TAFA1: variants seen among roughly 807,000 people sequenced by gnomAD.
The protein encoded by TAFA1 is chemokine-like protein TAFA-1.
A neutral mutation model predicts 18.5 loss-of-function variants in TAFA1; 4 were observed. The observed-to-expected ratio is 0.22, with a 90% confidence interval of 0.11 to 0.49. The LOEUF is 0.49. Ranked by LOEUF, TAFA1 falls within the 20% of genes least tolerant of loss-of-function variation. The pLI is 0.98. For synonymous variants in TAFA1, 56 were observed against 55.2 expected, an observed-to-expected ratio of 1.01 and a Z score of -0.06; for missense variants, 147 against 169.0, an observed-to-expected ratio of 0.87 and a Z score of 0.72.
chr3:68,312,968 A>G (rs2068545048), intron 2 of TAFA1, among the ~76,000 whole-genome samples: 1 of 152,190 alleles, frequency 6.6e-6, no homozygotes, highest in Non-Finnish European at 1.5e-5. Context: ...AGCAAGTCAT[A>G]TCTTACATGG....
intron 3 of TAFA1, among the ~76,000 whole-genome samples, chr3:68,422,361 C>T (rs1256976056): frequency 2.0e-5 from 3 of 152,192 alleles, no homozygotes; most frequent in Admixed American, 6.6e-5. Context: ...AACTTCTCTG[C>T]GTGACAGCAG....
chr3:68,396,414 C>T (rs68178842), intron 2 of TAFA1, among the ~76,000 whole-genome samples: 18,613 of 152,020 alleles, frequency 0.12, 1,522 homozygotes, highest in East Asian at 0.23. Context: ...GCTACTGTCC[C>T]AACTTCTAGC....
chr3:68,041,907 C>T (rs2106679646), intron 2 of TAFA1, among the ~76,000 whole-genome samples: 1 of 152,280 alleles, frequency 6.6e-6, no homozygotes, highest in South Asian at 2.1e-4. Context: ...CATACCATGG[C>T]TTGAAAATCA....
rs115531141 is a variant in TAFA1, at chr3:68,190,305, G to C, written c.118+183561G>C. On this transcript the variant is annotated intron_variant, in intron 2 of 4. Transcript: ENST00000478136. ...GCAGTCTTTCTGATGCTGGGAGCCTGGCTATACTTCTGGATAAGTTTAAGA... is the reference window on the plus strand; with the variant it reads ...GCAGTCTTTCTGATGCTGGGAGCCTCGCTATACTTCTGGATAAGTTTAAGA... 7.2e-3 allele frequency among the ~76,000 whole-genome samples: 1,100 copies of C among 151,960 alleles called. 15 individuals carry two copies. Among genetic ancestry groups the C allele is most frequent in the African/African-American group, 0.025 (1,054 of 41,498 alleles).
chr3:68,469,354 G>A (rs1490327554), intron 3 of TAFA1, among the ~76,000 whole-genome samples: 1 of 152,110 alleles, frequency 6.6e-6, no homozygotes, highest in African/African-American at 2.4e-5. Flanking sequence ...TCACTTCCAA[G>A]ACTGGCTCTC....
intron 2 of TAFA1, among the ~76,000 whole-genome samples, chr3:68,312,009 G>A (rs1368939325): frequency 6.6e-6 from 1 of 152,208 alleles, no homozygotes; most frequent in African/African-American, 2.4e-5. Context: ...TGACTTCTGT[G>A]CCCTGACAGG....
intron 3 of TAFA1, among the ~76,000 whole-genome samples, chr3:68,486,608 A>G (rs2072345117): frequency 6.6e-6 from 1 of 152,232 alleles, no homozygotes; most frequent in African/African-American, 2.4e-5. Flanking sequence ...TCTTTCTAAC[A>G]GGGTAGTTGA....
chr3:68,428,732 C>G (rs1039377707), intron 3 of TAFA1, among the ~76,000 whole-genome samples: 1 of 151,936 alleles, frequency 6.6e-6, no homozygotes, highest in African/African-American at 2.4e-5. Flanking sequence ...ATTTATTGGA[C>G]TATCAATTTA....
At chr3:68,025,352 T>G (rs1394925449) in intron 2 of TAFA1, among the ~76,000 whole-genome samples, 1 of 152,176 alleles carries the variant, frequency 6.6e-6, no homozygotes, top group Non-Finnish European at 1.5e-5. Flanking sequence ...CACAACTTCC[T>G]CTACGTGGAT....
intron 3 of TAFA1, among the ~76,000 whole-genome samples, chr3:68,452,785 C>T (rs543944457): frequency 3.8e-4 from 58 of 152,264 alleles, no homozygotes; most frequent in African/African-American, 1.4e-3. Context: ...GCCCATTTAA[C>T]ATATTTAATG....
intron 2 of TAFA1, among the ~76,000 whole-genome samples, chr3:68,106,316 T>G (rs753066697): frequency 2.0e-5 from 3 of 152,110 alleles, no homozygotes; most frequent in Non-Finnish European, 4.4e-5. Flanking sequence ...TGAACAATGA[T>G]GGAAGTGATC....
intron 2 of TAFA1, among the ~76,000 whole-genome samples, chr3:68,250,487 T>C (rs6549090): frequency 0.37 from 56,784 of 151,934 alleles, 11,292 homozygotes; most frequent in East Asian, 0.56. Flanking sequence ...TAACCTCCAC[T>C]GCATATTTTG....
intron 2 of TAFA1, among the ~76,000 whole-genome samples, chr3:68,095,261 A>G (rs1046008101): frequency 6.6e-6 from 1 of 152,176 alleles, no homozygotes; most frequent in South Asian, 2.1e-4. Context: ...TTTGATCTTG[A>G]TATCAGTTGA....
At chr3:68,522,598 C>G (rs2073045326) in intron 3 of TAFA1, among the ~76,000 whole-genome samples, 1 of 152,212 alleles carries the variant, frequency 6.6e-6, no homozygotes, top group Non-Finnish European at 1.5e-5. Context: ...CCTATAATCC[C>G]AGCACTTTGG....
At chr3:68,511,973 TAA>T (rs2106731184) in intron 3 of TAFA1, among the ~76,000 whole-genome samples, 1 of 152,148 alleles carries the variant, frequency 6.6e-6, no homozygotes, top group East Asian at 1.9e-4. Context: ...CTTTCTGTAT[TAA>T]CTCATTTCAT....
At chr3:68,343,269 T>C (rs1164821524) in intron 2 of TAFA1, among the ~76,000 whole-genome samples, 1 of 152,178 alleles carries the variant, frequency 6.6e-6, no homozygotes, top group African/African-American at 2.4e-5. Context: ...ATAAATCTCC[T>C]GGTGAGATTA....
chr3:68,074,722 A>G (rs1042768072), intron 2 of TAFA1, among the ~76,000 whole-genome samples: 5 of 152,184 alleles, frequency 3.3e-5, no homozygotes, highest in Admixed American at 3.3e-4. Flanking sequence ...GCTGAAATTC[A>G]TATCAGGTCT....
chr3:68,232,865 A>C (rs1408077018), intron 2 of TAFA1, among the ~76,000 whole-genome samples: 1 of 152,142 alleles, frequency 6.6e-6, no homozygotes, highest in South Asian at 2.1e-4. Flanking sequence ...TGGTCCCTCA[A>C]AATGCTGGGA....
chr3:68,054,231 C>T (rs1259067800), intron 2 of TAFA1, among the ~76,000 whole-genome samples: 2 of 152,098 alleles, frequency 1.3e-5, no homozygotes, highest in African/African-American at 2.4e-5. Context: ...AGATGGACCT[C>T]TTGTGAGTAG....
Sources: gnomAD v4.1 joint callset for allele counts (sites outside exome capture counted in the v4.1 genomes callset) on GRCh38, gnomAD v4.1.1 for gene constraint, MANE v1.5 for transcripts, NCBI Gene and HGNC (gene_info 2026-07-23, HGNC 2026-07-21) for gene names.